SLC25A30: variants seen among roughly 807,000 people sequenced by gnomAD.
SLC25A30 encodes kidney mitochondrial carrier protein 1.
A neutral mutation model predicts 42.7 loss-of-function variants in SLC25A30; 29 were observed. The ratio of observed to expected loss-of-function variants is 0.68; its 90% CI spans 0.51 to 0.93. The LOEUF (loss-of-function observed/expected upper bound fraction) is 0.93, where lower values mean the gene tolerates loss of function less well. Among genes scored for constraint, SLC25A30 ranks in the 40% least tolerant of loss-of-function variants. SLC25A30 has a pLI of 0.00. For missense variants in SLC25A30, 300 were observed against 359.7 expected (o/e 0.83, Z 1.34); for synonymous variants, 124 against 131.0 (o/e 0.95, Z 0.37).
chr13:45,426,235 C>T, the SLC25A30 span, among the ~76,000 whole-genome samples: 6 of 151,762 alleles, frequency 4.0e-5, no homozygotes, highest in African/African-American at 7.3e-5. Flanking sequence ...TACAGGCGTG[C>T]GCCACCACGC....
At chr13:45,396,084 T>G in intron 9 of SLC25A30, 69 bp from the exon 10 acceptor site, 1 of 1,613,914 alleles carries the variant, frequency 6.2e-7, no homozygotes, top group Non-Finnish European at 8.5e-7. Flanking sequence ...ACAACAGACT[T>G]ACAAATGGCA....
At chr13:45,428,549 G>A in the SLC25A30 span, among the ~76,000 whole-genome samples, 1 of 105,772 alleles carries the variant, frequency 9.5e-6, no homozygotes, top group Admixed American at 1.2e-4. Context: ...TTGAGACGGA[G>A]TCCAGCTCTG....
chr13:45,425,630 G>GTA, the SLC25A30 span, among the ~76,000 whole-genome samples: 3 of 51,116 alleles, frequency 5.9e-5, no homozygotes, highest in Non-Finnish European at 9.5e-5. Flanking sequence ...ATATATATAA[G>GTA]TATATATAAA....
intron 3 of SLC25A30, among the ~76,000 whole-genome samples, chr13:45,406,383 T>C (rs1259986849): frequency 6.6e-6 from 1 of 152,132 alleles, no homozygotes; most frequent in East Asian, 1.9e-4. Context: ...CTAAAACGAT[T>C]TCGTAAAATT....
chr13:45,401,230 A>G (rs776051878), intron 6 of SLC25A30, 23 bp from the exon 7 acceptor site: 1 of 1,612,920 alleles, frequency 6.2e-7, no homozygotes, highest in Admixed American at 1.7e-5. Context: ...ATTAACAATA[A>G]AAATGATTCT....
intron 1 of SLC25A30, among the ~76,000 whole-genome samples, chr13:45,412,112 G>A (rs1883086061): frequency 6.7e-6 from 1 of 150,234 alleles, no homozygotes; most frequent in South Asian, 2.1e-4. Context: ...AAAATTACAA[G>A]CTACTTCTTT....
chr13:45,415,852 T>A (rs1214814565), intron 1 of SLC25A30, among the ~76,000 whole-genome samples: 2 of 132,736 alleles, frequency 1.5e-5, no homozygotes, highest in Admixed American at 1.6e-4. Context: ...CAGGCTGGAG[T>A]GCGGTGGTGC....
Position 45,404,754 on chromosome 13 carries a change from G to T in SLC25A30, c.308-342C>A, listed in dbSNP as rs368873231. ...AATCACTTGAACACAGAAGGTGCAG[G>T]TTGCAGTGAACCAAGACCACGCCAC... On this transcript the variant is annotated intron_variant, in intron 4 of 9. Transcript: ENST00000519676. 2.8e-3 allele frequency among the ~76,000 whole-genome samples: 431 copies of T among 152,224 alleles called. 1 individual carries two copies. The highest frequency in any genetic ancestry group is 9.7e-3 in the African/African-American group (401 of 41,518).
the SLC25A30 span, among the ~76,000 whole-genome samples, chr13:45,425,073 T>A: frequency 0.2 from 1,190 of 5,878 alleles, 90 homozygotes; most frequent in Non-Finnish European, 0.27. Flanking sequence ...TATATATACA[T>A]ATATATAAAT....
At chr13:45,411,087 G>A (rs1882975683) in intron 2 of SLC25A30, among the ~76,000 whole-genome samples, 1 of 151,392 alleles carries the variant, frequency 6.6e-6, no homozygotes. Flanking sequence ...CTACAGGCCT[G>A]TGCCACCACA....
intron 5 of SLC25A30, 25 bp downstream of exon 5, chr13:45,404,302 A>G (rs912108906): frequency 3.3e-6 from 5 of 1,523,886 alleles, no homozygotes; most frequent in South Asian, 1.1e-5. Flanking sequence ...GAATGTGCCT[A>G]TAAGATATAG....
chr13:45,423,968 C>CATATAGAAATATATATAAAT, the SLC25A30 span, among the ~76,000 whole-genome samples: 4 of 77,636 alleles, frequency 5.2e-5, no homozygotes, highest in South Asian at 1.0e-3. Context: ...TATATATAAA[C>CATATAGAAATATATATAAAT]ATATAACAAT....
the SLC25A30 span, among the ~76,000 whole-genome samples, chr13:45,425,843 C>T: frequency 1.4e-5 from 2 of 145,824 alleles, no homozygotes; most frequent in Non-Finnish European, 3.0e-5. Context: ...CAGGTGCCCG[C>T]CAGCATGCCC....
chr13:45,414,752 T>C (rs1451880055), intron 1 of SLC25A30, among the ~76,000 whole-genome samples: 3 of 152,306 alleles, frequency 2.0e-5, no homozygotes, highest in East Asian at 3.9e-4. Context: ...GTGACAGGGC[T>C]ATAAGTATCT....
At chr13:45,425,699 T>C in the SLC25A30 span, among the ~76,000 whole-genome samples, 1 of 135,670 alleles carries the variant, frequency 7.4e-6, no homozygotes, top group Non-Finnish European at 1.5e-5. Flanking sequence ...TATACACACA[T>C]ATATATTTTT....
intron 5 of SLC25A30, 95 bp downstream of exon 5, chr13:45,404,232 A>C: frequency 1.1e-6 from 1 of 876,478 alleles, no homozygotes; most frequent in Non-Finnish European, 1.9e-6. Flanking sequence ...ATTCACATAT[A>C]CACAGATGTT....
the SLC25A30 span, among the ~76,000 whole-genome samples, chr13:45,432,709 TAAA>T: frequency 7.7e-6 from 1 of 130,468 alleles, no homozygotes; most frequent in Non-Finnish European, 1.7e-5. Context: ...TATAGGACAC[TAAA>T]AAAAAAAAAC....
At chr13:45,423,569 A>C in the SLC25A30 span, among the ~76,000 whole-genome samples, 1 of 94,176 alleles carries the variant, frequency 1.1e-5, no homozygotes, top group African/African-American at 3.8e-5. Context: ...AAATATATAA[A>C]TATATATAAA....
rs1566197623 is a variant in SLC25A30 at position 45,394,727 on chromosome 13, T to C, written c.*1247A>G. On this transcript the variant is annotated 3_prime_UTR_variant, in exon 10 of 10. Transcript: ENST00000519676. ...AAAGAAGAGGGAGAATGACTTATTG[T>C]GTCTACAGAAGGAAAGAAAAAGGGA... The C allele has an allele frequency of 1.3e-5, 13 of 985,190 alleles. No individual in the cohort carries two copies. Among genetic ancestry groups the C allele is most frequent in the Non-Finnish European group, 1.6e-5 (13 of 829,746 alleles). 61.0% of individuals were successfully genotyped at this position (985,190 alleles called of 1,614,324 possible). A position where few individuals can be genotyped will look rare whatever the true frequency, so the allele number is the denominator to read the frequency against.
Sources: allele counts gnomAD v4.1 joint callset (sites outside exome capture counted in the v4.1 genomes callset), GRCh38; gene constraint gnomAD v4.1.1; transcripts MANE v1.5; gene names NCBI Gene and HGNC (gene_info 2026-07-23, HGNC 2026-07-21).